Variants in TCF4 observed in about 807,000 individuals in gnomAD.
The protein encoded by TCF4 is transcription factor 4, also known as SL3-3 enhancer factor 2.
A neutral mutation model predicts 82.1 loss-of-function variants in TCF4; 3 were observed. The ratio of observed to expected loss-of-function variants is 0.04; its 90% CI spans 0.02 to 0.09. TCF4 has a LOEUF of 0.09. Ranked by LOEUF, TCF4 falls within the 10% of genes least tolerant of loss-of-function variation. TCF4 has a pLI of 1.00. For synonymous variants in TCF4, 276 were observed against 309.6 expected, an observed-to-expected ratio of 0.89 and a Z score of 1.14; for missense variants, 518 against 852.7, an observed-to-expected ratio of 0.61 and a Z score of 4.89.
At chr18:55,567,376 T>A (rs2097418947) in intron 3 of TCF4, among the ~76,000 whole-genome samples, 1 of 152,232 alleles carries the variant, frequency 6.6e-6, no homozygotes, top group Admixed American at 6.5e-5. Context: ...TATAAATTCA[T>A]CATCATAGCA....
intron 8 of TCF4, among the ~76,000 whole-genome samples, chr18:55,324,959 A>C (rs1244644101): frequency 6.6e-6 from 1 of 152,238 alleles, no homozygotes; most frequent in East Asian, 1.9e-4. Context: ...AATTTTCCAA[A>C]AAGTCTTTGA....
Position 55,470,756 on chromosome 18 carries a change from T to C in TCF4, c.146-6619A>G, listed in dbSNP as rs73479277. 2.8e-3 allele frequency among the ~76,000 whole-genome samples: 431 copies of C among 152,340 alleles called. 3 individuals carry two copies. Among genetic ancestry groups the C allele is most frequent in the African/African-American group, 0.01 (423 of 41,570 alleles). On this transcript the variant is annotated intron_variant, in intron 3 of 19. Coordinates refer to ENST00000354452, the MANE Select transcript of TCF4 (RefSeq NM_001083962.2). ...AAATGCCTGAAATGGTATTTTGCAT[T>C]GCTCTAAGTCTACAGATTCCTGCTC...
intron 5 of TCF4, among the ~76,000 whole-genome samples, chr18:55,441,576 A>G (rs1461252428): frequency 2.0e-5 from 3 of 152,222 alleles, no homozygotes; most frequent in Non-Finnish European, 4.4e-5. Flanking sequence ...AGCTTTTCTC[A>G]AATTTAAACA....
chr18:55,510,113 T>C (rs750321565), intron 3 of TCF4, among the ~76,000 whole-genome samples: 1 of 152,210 alleles, frequency 6.6e-6, no homozygotes, highest in East Asian at 1.9e-4. Flanking sequence ...CTCCCCCTGA[T>C]GTTCTATGCA....
At chr18:55,592,374 C>G (rs1387982270), upstream of TCF4, among the ~76,000 whole-genome samples, 1 of 152,112 alleles carries the variant, frequency 6.6e-6, no homozygotes, top group Non-Finnish European at 1.5e-5. Flanking sequence ...GGGCTCTCTT[C>G]CTGGCTTGCA....
chr18:55,273,283 G>T (rs2060770194), intron 10 of TCF4, among the ~76,000 whole-genome samples: 1 of 152,124 alleles, frequency 6.6e-6, no homozygotes, highest in Admixed American at 6.6e-5. Context: ...TGAAGGCAAT[G>T]ATGTTTTTAA....
At chr18:55,544,801 C>T (rs183936641) in intron 3 of TCF4, among the ~76,000 whole-genome samples, 294 of 152,176 alleles carry the variant, frequency 1.9e-3, no homozygotes, top group Non-Finnish European at 3.7e-3. Context: ...TGCACACCTA[C>T]GAGTTAACTC....
intron 8 of TCF4, chr18:55,322,251 C>A: frequency 9.5e-7 from 1 of 1,058,014 alleles, no homozygotes; most frequent in Non-Finnish European, 1.1e-6. Context: ...CTCTCTCTCT[C>A]TCCCTCTCTT....
intron 2 of TCF4, among the ~76,000 whole-genome samples, chr18:55,625,240 CTTT>C (rs1212898000): frequency 1.4e-5 from 2 of 141,884 alleles, no homozygotes; most frequent in East Asian, 2.0e-4. Flanking sequence ...CAAGCTACAA[CTTT>C]TTTTTTTTTT....
chr18:55,613,089 T>C (rs1432268008), intron 2 of TCF4, among the ~76,000 whole-genome samples: 3 of 152,298 alleles, frequency 2.0e-5, no homozygotes, highest in East Asian at 3.9e-4. Context: ...AAAGTAGCTC[T>C]GTTGAGGTGT....
chr18:55,464,504 T>G lies in TCF4; in HGVS notation c.146-367A>C, dbSNP rs189852534. On this transcript the variant is annotated intron_variant, in intron 3 of 19. Coordinates refer to ENST00000354452, the MANE Select transcript of TCF4 (RefSeq NM_001083962.2). ...AACTTTAATGCAAAAAAAGTTAAATTAAGGTAAATATCCACACTAACACCT... is the reference window on the plus strand; with the variant it reads ...AACTTTAATGCAAAAAAAGTTAAATGAAGGTAAATATCCACACTAACACCT... Among the ~76,000 whole-genome samples the G allele has an allele frequency of 2.5e-4, 38 of 152,330 alleles. No homozygotes were observed. In the East Asian group the frequency reaches 7.1e-3, roughly 29 times the overall value.
intron 5 of TCF4, among the ~76,000 whole-genome samples, chr18:55,454,598 A>G (rs1184808209): frequency 6.6e-6 from 1 of 152,202 alleles, no homozygotes; most frequent in Admixed American, 6.5e-5. Context: ...TGAGATATAA[A>G]AGGAATATCT....
intron 2 of TCF4, among the ~76,000 whole-genome samples, chr18:55,615,719 TTTAG>T (rs1250324028): frequency 6.6e-6 from 1 of 151,980 alleles, no homozygotes; most frequent in Non-Finnish European, 1.5e-5. Context: ...TGCTGGGGAG[TTTAG>T]TTAGGAATAG....
intron 5 of TCF4, among the ~76,000 whole-genome samples, chr18:55,411,115 T>G (rs1015951490): frequency 6.6e-6 from 1 of 152,168 alleles, no homozygotes; most frequent in South Asian, 2.1e-4. Flanking sequence ...GGGGATAACT[T>G]AGCTGTTTGG....
At chr18:55,590,347 C>T (rs2097682835), upstream of TCF4, among the ~76,000 whole-genome samples, 1 of 152,168 alleles carries the variant, frequency 6.6e-6, no homozygotes, top group Non-Finnish European at 1.5e-5. Context: ...CCTCCAACTC[C>T]CCCACCCTAT....
At chr18:55,462,178 A>G (rs973470971) in intron 4 of TCF4, among the ~76,000 whole-genome samples, 9 of 152,200 alleles carry the variant, frequency 5.9e-5, no homozygotes, top group African/African-American at 2.2e-4. Context: ...TTCCTCGTGT[A>G]TAACAATTAA....
At chr18:55,456,395 C>A (rs1211203165) in intron 5 of TCF4, among the ~76,000 whole-genome samples, 2 of 152,178 alleles carry the variant, frequency 1.3e-5, no homozygotes, top group Non-Finnish European at 2.9e-5. Context: ...AGTAAGGAAA[C>A]TGAACCATTC....
At chr18:55,234,761 G>A in intron 15 of TCF4, 78 bp from the exon 16 acceptor site, 1 of 1,593,586 alleles carries the variant, frequency 6.3e-7, no homozygotes, top group Non-Finnish European at 8.6e-7. Context: ...AAGAGGACCT[G>A]ATGAAGGCTG....
chr18:55,229,345 C>A, intron 17 of TCF4: 2 of 499,386 alleles, frequency 4.0e-6, no homozygotes, highest in South Asian at 2.1e-5. Context: ...AGGGTGTGCC[C>A]ATACTGATAC....
Sources: allele counts gnomAD v4.1 joint callset (sites outside exome capture counted in the v4.1 genomes callset), GRCh38; gene constraint gnomAD v4.1.1; transcripts MANE v1.5; gene names NCBI Gene and HGNC (gene_info 2026-07-23, HGNC 2026-07-21).